The following NOS1 variants were observed in gnomAD, a reference collection of about 807,000 sequenced individuals.
The protein encoded by NOS1 is NOS type I.
In NOS1, 51 loss-of-function variants were observed where a neutral mutation model predicts 164.5. The ratio of observed to expected loss-of-function variants is 0.31; its 90% CI spans 0.25 to 0.39. NOS1 has a LOEUF of 0.39. Ranked by LOEUF, NOS1 falls within the 10% of genes least tolerant of loss-of-function variation. NOS1 has a pLI of 1.00. For synonymous variants in NOS1, 719 were observed against 745.8 expected (o/e 0.96, Z 0.59); for missense variants, 1,362 against 1,885.6 (o/e 0.72, Z 5.14).
chr12:117,334,773 T>G (rs1172798998), intron 1 of NOS1, among the ~76,000 whole-genome samples: 2 of 152,216 alleles, frequency 1.3e-5, no homozygotes, highest in African/African-American at 4.8e-5. Context: ...TCATCTATCC[T>G]ATTTTTCATC....
rs769617315 is a variant in NOS1, at chr12:117,330,851, C to G, written c.219G>C (p.Val73=). The change falls in exon 2 of 29, where the codon GTG becomes GTC. Residue 73 remains valine (V), a synonymous_variant. Transcript: ENST00000317775. This position sits in a 1 kb window ranked among gnomAD's most constrained non-coding sequence, Gnocchi z 4.6. ...CCAGGGCGCTGTCATAGCTCAGGTC[C>G]ACCAAGGGCCGGCCGTTGACCGCAA... The part of the protein sequence containing the change: ...IILAVNGRPL[V]DLSYDSALEV... 3.7e-6 allele frequency: 6 copies of G among 1,614,092 alleles called. No homozygotes were observed. The South Asian group carries it at 6.6e-5, about 18-fold the overall frequency.
At chr12:117,237,908 G>C (rs1347086796) in intron 20 of NOS1, among the ~76,000 whole-genome samples, 1 of 152,116 alleles carries the variant, frequency 6.6e-6, no homozygotes, top group Non-Finnish European at 1.5e-5. Flanking sequence ...GGTGGTGATG[G>C]GTTGAGGGGA....
At chr12:117,353,954 ACAATGAAAAAAC>A (rs1876748828) in intron 1 of NOS1, among the ~76,000 whole-genome samples, 1 of 152,200 alleles carries the variant, frequency 6.6e-6, no homozygotes, top group Non-Finnish European at 1.5e-5. Context: ...AAACAAAACA[ACAATGAAAAAAC>A]CAATGAAACA....
intron 9 of NOS1, among the ~76,000 whole-genome samples, chr12:117,273,315 C>T (rs917476179): frequency 6.6e-6 from 1 of 152,100 alleles, no homozygotes; most frequent in Non-Finnish European, 1.5e-5. Context: ...TTGGATGAGC[C>T]AATAAATGAA....
intron 2 of NOS1, among the ~76,000 whole-genome samples, chr12:117,329,317 T>C (rs1875411506): frequency 1.3e-5 from 2 of 152,124 alleles, no homozygotes; most frequent in East Asian, 1.9e-4. Flanking sequence ...TCTGGGGAGC[T>C]ACCTTAACCC....
Position 117,234,848 on chromosome 12 carries a change from T to C in NOS1, c.3042-90A>G. 1 of 1,086,070 alleles carries C rather than the reference T, an allele frequency of 9.2e-7. No homozygotes were observed. The highest frequency in any genetic ancestry group is 1.3e-6 in the Non-Finnish European group (1 of 761,868). The allele number at this position is 1,086,070 out of a possible 1,614,324, so 67.3% of individuals were successfully genotyped here. ...TTCTGTCTGTCCTTGTTGGCTGCAA[T>C]TCTCCTCCTTCCATTCTTGTTGGGG... On this transcript the variant is annotated intron_variant, in intron 20 of 28. Transcript: ENST00000317775. This position sits in a 1 kb window ranked among gnomAD's most constrained non-coding sequence, Gnocchi z 4.3.
intron 22 of NOS1, among the ~76,000 whole-genome samples, chr12:117,230,431 A>G (rs1428028989): frequency 1.3e-5 from 2 of 152,230 alleles, no homozygotes; most frequent in Non-Finnish European, 2.9e-5. Flanking sequence ...AAGTCCTTGG[A>G]GGTAACTACT....
At chr12:117,303,574 C>T (rs993963271) in intron 3 of NOS1, among the ~76,000 whole-genome samples, 2 of 152,010 alleles carry the variant, frequency 1.3e-5, no homozygotes, top group Non-Finnish European at 2.9e-5. Context: ...GGAGAGAACC[C>T]CAAATGAAAA....
In NOS1 at chr12:117,218,089, C is replaced by G; in HGVS notation, c.4246G>C (p.Glu1416Gln). Residue 1416 changes from glutamate to glutamine, a missense_variant, in exon 28 of 29, where the codon GAG becomes CAG. By Grantham distance (29) the Glu-to-Gln change is conservative. Transcript: ENST00000317775. ...TYEVTNRLRS[E>Q]SIAFIEESKK... Reference sequence around the variant, plus strand: ...CTCTCTTCAATGAAGGCAATGGACTCAGATCTAAGGCGGTTGGTCACTTCG... The same window carrying G: ...CTCTCTTCAATGAAGGCAATGGACTGAGATCTAAGGCGGTTGGTCACTTCG... 1 of 1,614,124 alleles carries G rather than the reference C, an allele frequency of 6.2e-7. No homozygotes were observed. The highest frequency in any genetic ancestry group is 8.5e-7 in the Non-Finnish European group (1 of 1,180,022).
In NOS1 at chr12:117,212,977, C is replaced by A. The variant is rs9658571; in HGVS notation, c.*2332G>T. On this transcript the variant is annotated 3_prime_UTR_variant, in exon 29 of 29. Transcript: ENST00000317775. ...GAAAGGTGTTTACTTAAAAAAAAATCTTTCTGGAGAAGAAGGATGAATCCT... is the reference window on the plus strand; with the variant it reads ...GAAAGGTGTTTACTTAAAAAAAAATATTTCTGGAGAAGAAGGATGAATCCT... 2.2e-5 allele frequency: 22 copies of A among 985,166 alleles called. No homozygotes were observed. The African/African-American group carries it at 3.2e-4, about 14-fold the overall frequency. 61.0% of individuals were successfully genotyped at this position (985,166 alleles called of 1,614,324 possible).
intron 1 of NOS1, among the ~76,000 whole-genome samples, chr12:117,354,901 G>T (rs1469323968): frequency 1.3e-5 from 2 of 152,208 alleles, no homozygotes; most frequent in Non-Finnish European, 2.9e-5. Flanking sequence ...TGCTTTAGCT[G>T]GGAAACGACG....
In NOS1 at chr12:117,208,231, A is replaced by T; in HGVS notation, c.*7078T>A. On this transcript the variant is annotated 3_prime_UTR_variant, in exon 29 of 29. Coordinates refer to ENST00000317775, the MANE Select transcript of NOS1 (RefSeq NM_000620.5). Reference sequence around the variant, plus strand: ...CATAAAATTGGAAGATGAGAACTATACAGAAGAAGAGCATGCGACAAACAC... The same window carrying T: ...CATAAAATTGGAAGATGAGAACTATTCAGAAGAAGAGCATGCGACAAACAC... 8.1e-7 allele frequency: 1 copy of T among 1,239,514 alleles called. No individual in the cohort carries two copies. Among genetic ancestry groups the T allele is most frequent in the Non-Finnish European group, 1.1e-6 (1 of 952,096 alleles). 76.8% of individuals were successfully genotyped at this position (1,239,514 alleles called of 1,614,324 possible). A position where few individuals can be genotyped will look rare whatever the true frequency, so the allele number is the denominator to read the frequency against.
chr12:117,221,056 A>G (rs1434515861), intron 26 of NOS1, among the ~76,000 whole-genome samples: 3 of 151,894 alleles, frequency 2.0e-5, no homozygotes, highest in Non-Finnish European at 4.4e-5. Flanking sequence ...CCTCCCCAAG[A>G]TCCCATGGAG....
rs1377468005 is a variant in NOS1 at position 117,318,183 on chromosome 12, C to A, written c.726-6591G>T. ...ACAGACCCTGTCACACACACACACA[C>A]CCCTCAGATTTCTGAGCTCTCCTCC... On this transcript the variant is annotated intron_variant, in intron 2 of 28. Coordinates refer to ENST00000317775, the MANE Select transcript of NOS1 (RefSeq NM_000620.5). 2.6e-5 allele frequency among the ~76,000 whole-genome samples: 4 copies of A among 152,022 alleles called. No individual in the cohort carries two copies. The South Asian group carries it at 6.2e-4, about 24-fold the overall frequency.
chr12:117,289,574 A>T (rs1229239240), intron 4 of NOS1, among the ~76,000 whole-genome samples: 4 of 152,252 alleles, frequency 2.6e-5, no homozygotes, highest in African/African-American at 9.6e-5. Flanking sequence ...CAGGTTTGTT[A>T]CATATGTATA....
intron 22 of NOS1, among the ~76,000 whole-genome samples, chr12:117,231,274 C>T (rs1459703546): frequency 3.3e-5 from 5 of 150,774 alleles, no homozygotes; most frequent in African/African-American, 9.8e-5. Flanking sequence ...ACCGAGATTG[C>T]GCCACGGCAC....
At position 117,335,885 on chromosome 12, in the gene NOS1, G is replaced by C. The variant is rs552703842; in HGVS notation, c.-420-4396C>G. ...AGGTGCATGCCACTACACCAAGCTA[G>C]TTGTTTTTATATTTGTAGAGACAGA... On this transcript the variant is annotated intron_variant, in intron 1 of 28. Coordinates refer to ENST00000317775, the MANE Select transcript of NOS1 (RefSeq NM_000620.5). 7.2e-5 allele frequency among the ~76,000 whole-genome samples: 11 copies of C among 152,142 alleles called. No individual in the cohort carries two copies. The East Asian group carries it at 2.1e-3, about 30-fold the overall frequency.
At chr12:117,237,163 T>A (rs1001642695) in intron 20 of NOS1, among the ~76,000 whole-genome samples, 1 of 152,132 alleles carries the variant, frequency 6.6e-6, no homozygotes, top group African/African-American at 2.4e-5. Flanking sequence ...CATTATTATT[T>A]TTATTTTTTT....
chr12:117,329,941 G>A (rs558852883), intron 2 of NOS1, among the ~76,000 whole-genome samples: 49 of 152,208 alleles, frequency 3.2e-4, no homozygotes, highest in African/African-American at 1.1e-3. Context: ...AGGGTGCCAC[G>A]CACACACGCC....
Sources: gnomAD v4.1 joint callset for allele counts (sites outside exome capture counted in the v4.1 genomes callset) on GRCh38, gnomAD v4.1.1 for gene constraint, Gnocchi (gnomAD v3.1) non-coding constraint, MANE v1.5 for transcripts, NCBI Gene and HGNC (gene_info 2026-07-23, HGNC 2026-07-21) for gene names.